Variants in GIMAP8 observed in about 807,000 individuals in gnomAD.
The protein encoded by GIMAP8 is GTPase IMAP family member 8.
GIMAP8 carries 29 observed loss-of-function variants against 35.6 expected under a neutral mutation model. The observed-to-expected ratio is 0.81, with a 90% confidence interval of 0.61 to 1.11. GIMAP8 has a LOEUF of 1.11. GIMAP8 is among the 50% of genes most tolerant of loss of function. The pLI, the probability that GIMAP8 is intolerant of heterozygous loss-of-function variation, is 0.00. For missense variants in GIMAP8, 811 were observed against 805.0 expected (o/e 1.01, Z -0.09); for synonymous variants, 335 against 308.7 (o/e 1.09, Z -0.89).
In GIMAP8 at chr7:150,478,147, T is replaced by G; in HGVS notation, c.*367T>G. The G allele has an allele frequency of 4.4e-6, 1 of 225,056 alleles. No homozygotes were observed. The highest frequency in any genetic ancestry group is 1.0e-4 in the East Asian group (1 of 9,692). 13.9% of individuals were successfully genotyped at this position (225,056 alleles called of 1,614,324 possible). A position where few individuals can be genotyped will look rare whatever the true frequency, so the allele number is the denominator to read the frequency against. ...AGGCCACCTGGGATGAGAATATAGA[T>G]AGTCGTACAACAACCCAGGGGATCC... On this transcript the variant is annotated 3_prime_UTR_variant, in exon 5 of 5. Transcript: ENST00000307271.
At chr7:150,473,890 A>T in intron 3 of GIMAP8, 122 bp from the exon 4 acceptor site, 1 of 987,816 alleles carries the variant, frequency 1.0e-6, no homozygotes, top group Non-Finnish European at 1.5e-6. Flanking sequence ...GTAGAGTTCT[A>T]CTGGTTTACC....
chr7:150,457,418 C>G (rs1460809376), intron 1 of GIMAP8, among the ~76,000 whole-genome samples: 1 of 152,164 alleles, frequency 6.6e-6, no homozygotes, highest in Non-Finnish European at 1.5e-5. Flanking sequence ...TATGGACAGG[C>G]TTGGGGCCTG....
At chr7:150,463,029 TAA>T (rs141959019) in intron 1 of GIMAP8, among the ~76,000 whole-genome samples, 1 of 152,114 alleles carries the variant, frequency 6.6e-6, no homozygotes, top group Non-Finnish European at 1.5e-5. Context: ...TCTTTATTCT[TAA>T]AAAAGTTTTT....
rs1175938844 is a variant in GIMAP8 at position 150,452,318 on chromosome 7, T to C, written c.-29+1143T>C. Among the ~76,000 whole-genome samples, 156 of 149,662 alleles carry C rather than the reference T, an allele frequency of 1.0e-3. 3 individuals are homozygous for C. The South Asian group carries it at 0.031, about 30-fold the overall frequency. ...GTAGGAGTGTGCATGTGCGTGTGTG[T>C]ATGTGGGTGTGTGTGTGTAGGTCCT... On this transcript the variant is annotated intron_variant, in intron 1 of 4. Coordinates refer to ENST00000307271, the MANE Select transcript of GIMAP8 (RefSeq NM_175571.4).
intron 4 of GIMAP8, 24 bp downstream of exon 4, chr7:150,474,662 AT>A (rs1309926464): frequency 7.2e-7 from 1 of 1,384,850 alleles, no homozygotes; most frequent in South Asian, 1.6e-5. Flanking sequence ...TAGGATATAT[AT>A]TTTTACATAT....
intron 2 of GIMAP8, among the ~76,000 whole-genome samples, chr7:150,469,921 T>A (rs1802051713): frequency 6.6e-6 from 1 of 152,220 alleles, no homozygotes. Flanking sequence ...ACAGAATGCA[T>A]TATTAAGCAG....
intron 1 of GIMAP8, among the ~76,000 whole-genome samples, chr7:150,464,361 C>A (rs1331785441): frequency 1.3e-5 from 2 of 152,068 alleles, no homozygotes; most frequent in African/African-American, 4.8e-5. Context: ...GAAGTTATTG[C>A]CAGATGATGC....
intron 1 of GIMAP8, among the ~76,000 whole-genome samples, chr7:150,452,305 A>ATGTGTGTGTGCG (rs879491356): frequency 0.055 from 8,406 of 151,658 alleles, 812 homozygotes; most frequent in African/African-American, 0.19. Flanking sequence ...AGGAGTGTGC[A>ATGTGTGTGTGCG]TGTGCGTGTG....
intron 2 of GIMAP8, among the ~76,000 whole-genome samples, chr7:150,469,724 G>A (rs186446011): frequency 6.6e-6 from 1 of 151,754 alleles, no homozygotes; most frequent in Non-Finnish European, 1.5e-5. Context: ...AAAAAAAAAA[G>A]GTATACCTAA....
chr7:150,477,487 G>C lies in GIMAP8; in HGVS notation c.1705G>C (p.Asp569His). ...YAIMLFTRKE[D>H]LGAGNLEDFM... ...GATTATGCTGTTCACCCGGAAGGAA[G>C]ACCTAGGGGCGGGGAATTTGGAAGA... is the stretch of plus-strand genomic sequence containing the variant. The change falls in exon 5 of 5, where the codon GAC (aspartate) becomes CAC (histidine). Residue 569 changes from aspartate to histidine, a missense_variant. By Grantham distance (81) the Asp-to-His change is moderately conservative. Coordinates refer to ENST00000307271, the MANE Select transcript of GIMAP8 (RefSeq NM_175571.4). The C allele has an allele frequency of 6.2e-7, 1 of 1,614,212 alleles. No individual in the cohort carries two copies. Among genetic ancestry groups the C allele is most frequent in the Non-Finnish European group, 8.5e-7 (1 of 1,180,028 alleles).
chr7:150,461,368 TC>T (rs1261307301), intron 1 of GIMAP8, among the ~76,000 whole-genome samples: 1 of 152,244 alleles, frequency 6.6e-6, no homozygotes, highest in Non-Finnish European at 1.5e-5. Flanking sequence ...TCTAGCTCTC[TC>T]TTTAGCCCTA....
chr7:150,466,540 G>A (rs987873788), intron 1 of GIMAP8, 131 bp from the exon 2 acceptor site: 9 of 703,290 alleles, frequency 1.3e-5, no homozygotes, highest in Non-Finnish European at 2.1e-5. Context: ...AATCTAGTCT[G>A]GGTCTAGAAC....
rs775245961 is a variant in GIMAP8 at position 150,466,654 on chromosome 7, G to C, written c.-28-17G>C. ...TGTGGGAGTTGAACATTAATGTGTT[G>C]TTTTCTGTCCCAACAGAACAAGCGG... On this transcript the variant is annotated splice_polypyrimidine_tract_variant and intron_variant, in intron 1 of 4. Coordinates refer to ENST00000307271, the MANE Select transcript of GIMAP8 (RefSeq NM_175571.4). The C allele has an allele frequency of 6.3e-7, 1 of 1,590,934 alleles. No homozygotes were observed. The highest frequency in any genetic ancestry group is 8.6e-7 in the Non-Finnish European group (1 of 1,167,212).
chr7:150,461,452 TC>T (rs1801843440), intron 1 of GIMAP8, among the ~76,000 whole-genome samples: 1 of 152,222 alleles, frequency 6.6e-6, no homozygotes, highest in Non-Finnish European at 1.5e-5. Flanking sequence ...GCTCAGTTGA[TC>T]TATCATTATA....
chr7:150,476,253 T>C (rs138163145), intron 4 of GIMAP8, among the ~76,000 whole-genome samples: 1 of 152,368 alleles, frequency 6.6e-6, no homozygotes, highest in East Asian at 1.9e-4. Flanking sequence ...AGCTATTTGA[T>C]ATGAAATTCA....
chr7:150,458,429 G>A (rs985626355), intron 1 of GIMAP8, among the ~76,000 whole-genome samples: 1 of 152,166 alleles, frequency 6.6e-6, no homozygotes, highest in African/African-American at 2.4e-5. Context: ...CCCCACAAGT[G>A]AGGGCAATCT....
intron 1 of GIMAP8, among the ~76,000 whole-genome samples, chr7:150,458,607 C>G (rs762935941): frequency 6.6e-6 from 1 of 152,170 alleles, no homozygotes; most frequent in Non-Finnish European, 1.5e-5. Flanking sequence ...AATCCATACA[C>G]TTCTCCATAA....
intron 4 of GIMAP8, among the ~76,000 whole-genome samples, chr7:150,476,250 T>C (rs1049462619): frequency 3.0e-4 from 45 of 152,228 alleles, no homozygotes; most frequent in African/African-American, 1.1e-3. Flanking sequence ...ATTAGCTATT[T>C]GATATGAAAT....
At chr7:150,471,697 C>G (rs1007554896) in intron 3 of GIMAP8, among the ~76,000 whole-genome samples, 1 of 152,048 alleles carries the variant, frequency 6.6e-6, no homozygotes, top group Non-Finnish European at 1.5e-5. Context: ...ATTAGCCAGG[C>G]ATGGTAGTGC....
Sources: gnomAD v4.1 joint callset for allele counts (sites outside exome capture counted in the v4.1 genomes callset) on GRCh38, gnomAD v4.1.1 for gene constraint, MANE v1.5 for transcripts, NCBI Gene and HGNC (gene_info 2026-07-23, HGNC 2026-07-21) for gene names.